GK5: variants seen among roughly 807,000 people sequenced by gnomAD.
GK5 encodes ATP:glycerol 3-phosphotransferase 5.
In GK5, 39 loss-of-function variants were observed where a neutral mutation model predicts 77.3. The ratio of observed to expected loss-of-function variants is 0.50; its 90% CI spans 0.39 to 0.66. The LOEUF is 0.66. GK5 is among the 30% of genes least tolerant of loss of function. The pLI, the probability that GK5 is intolerant of heterozygous loss-of-function variation, is 0.00. For synonymous variants in GK5, 211 were observed against 208.0 expected, an observed-to-expected ratio of 1.01 and a Z score of -0.13; for missense variants, 487 against 633.8, an observed-to-expected ratio of 0.77 and a Z score of 2.49.
At chr3:142,199,424 T>C (rs1245658124) in intron 4 of GK5, among the ~76,000 whole-genome samples, 1 of 152,166 alleles carries the variant, frequency 6.6e-6, no homozygotes, top group Non-Finnish European at 1.5e-5. Context: ...TAATCTTTGA[T>C]TTTGAAGGCT....
chr3:142,186,851 G>A (rs1262685988), intron 6 of GK5, among the ~76,000 whole-genome samples: 2 of 151,660 alleles, frequency 1.3e-5, no homozygotes, highest in Non-Finnish European at 2.9e-5. Flanking sequence ...GGCTGGTCTC[G>A]AACTCCCAAC....
At chr3:142,214,715 AAG>A (rs2064247362) in intron 2 of GK5, among the ~76,000 whole-genome samples, 1 of 152,222 alleles carries the variant, frequency 6.6e-6, no homozygotes, top group African/African-American at 2.4e-5. Flanking sequence ...AGATTGAAAA[AAG>A]AAGTTTTTTT....
At chr3:142,185,664 A>G (rs762723712) in intron 9 of GK5, 4 of 1,266,630 alleles carry the variant, frequency 3.2e-6, no homozygotes, top group Non-Finnish European at 4.0e-6. Flanking sequence ...TTTTTAATTT[A>G]AGTTTTCTGA....
chr3:142,160,295 C>A lies in GK5; in HGVS notation c.*5327G>T, dbSNP rs2063416512. On this transcript the variant is annotated 3_prime_UTR_variant, in exon 16 of 16. Transcript: ENST00000392993. ...GTGAACCACCACGCTTATCCTGGGGCTTTTAATTCTTACTGAAAATCATAG... is the reference window on the plus strand; with the variant it reads ...GTGAACCACCACGCTTATCCTGGGGATTTTAATTCTTACTGAAAATCATAG... 1 of 152,166 alleles carries A rather than the reference C, an allele frequency of 6.6e-6. No homozygotes were observed. The allele number at this position is 152,166 out of a possible 1,614,324, so 9.4% of individuals were successfully genotyped here. A position where few individuals can be genotyped will look rare whatever the true frequency, so the allele number is the denominator to read the frequency against.
rs932027371 is a variant in GK5 at position 142,198,741 on chromosome 3, T to C, written c.543+61A>G. On this transcript the variant is annotated intron_variant, in intron 5 of 15. Coordinates refer to ENST00000392993, the MANE Select transcript of GK5 (RefSeq NM_001039547.3). Reference sequence around the variant, plus strand: ...TATTCCTTTAATTTTTTCTTCCCCATAGTCTTTATATGGTTTCCACATACA... The same window carrying C: ...TATTCCTTTAATTTTTTCTTCCCCACAGTCTTTATATGGTTTCCACATACA... The C allele has an allele frequency of 2.3e-5, 32 of 1,390,908 alleles. No homozygotes were observed. The South Asian group carries it at 4.9e-4, about 21-fold the overall frequency. 86.2% of individuals were successfully genotyped at this position (1,390,908 alleles called of 1,614,324 possible). A position where few individuals can be genotyped will look rare whatever the true frequency, so the allele number is the denominator to read the frequency against.
intron 15 of GK5, among the ~76,000 whole-genome samples, chr3:142,166,658 C>A (rs568331061): frequency 6.6e-6 from 1 of 152,040 alleles, no homozygotes; most frequent in Non-Finnish European, 1.5e-5. Context: ...CTGGGCCTCT[C>A]GAGTAGCTCG....
chr3:142,193,257 T>C (rs1244697037), intron 5 of GK5, among the ~76,000 whole-genome samples: 1 of 152,184 alleles, frequency 6.6e-6, no homozygotes, highest in East Asian at 1.9e-4. Context: ...AATTAAAGTG[T>C]ATTAATTTTT....
chr3:142,196,092 T>C (rs1380612555), intron 5 of GK5, among the ~76,000 whole-genome samples: 1 of 152,184 alleles, frequency 6.6e-6, no homozygotes, highest in African/African-American at 2.4e-5. Context: ...TCATTTTATC[T>C]TGTTATCTAA....
chr3:142,167,420 G>A (rs2063486408), intron 15 of GK5, among the ~76,000 whole-genome samples: 1 of 151,820 alleles, frequency 6.6e-6, no homozygotes, highest in African/African-American at 2.4e-5. Flanking sequence ...TATTAATGTA[G>A]ACAAGTTTTT....
chr3:142,171,446 T>C lies in GK5; in HGVS notation c.1280A>G (p.Glu427Gly). Residue 427 changes from glutamate (E) to glycine (G), a missense_variant, in exon 14 of 16, where the codon GAG becomes GGG. By Grantham distance (98) the Glu-to-Gly change is moderately conservative. This residue lies in a region of GK5 where 323 missense variants were observed against 437.4 expected (regional missense o/e 0.74). Coordinates refer to ENST00000392993, the MANE Select transcript of GK5 (RefSeq NM_001039547.3). ...NKQLYEMMKK[E>G]IHIPVRKIRA... The stretch of plus-strand genomic sequence containing the variant: ...GATTTTTCTTACAGGAATATGAATC[T>C]CTTTCTTCATCATCTCATATAACTG... The C allele has an allele frequency of 6.8e-7, 1 of 1,470,724 alleles. No homozygotes were observed. Among genetic ancestry groups the C allele is most frequent in the South Asian group, 1.3e-5 (1 of 79,174 alleles). 91.1% of individuals were successfully genotyped at this position (1,470,724 alleles called of 1,614,324 possible).
In GK5 at chr3:142,157,748, C is replaced by A. The variant is rs2063393503; in HGVS notation, c.*7874G>T. On this transcript the variant is annotated 3_prime_UTR_variant, in exon 16 of 16. Coordinates refer to ENST00000392993, the MANE Select transcript of GK5 (RefSeq NM_001039547.3). Reference sequence around the variant, plus strand: ...TTCACAACAAATTTTATTTTCCCCACAACAAAGAATTATCCCACTTCTCTA... The same window carrying A: ...TTCACAACAAATTTTATTTTCCCCAAAACAAAGAATTATCCCACTTCTCTA... 1 of 152,062 alleles carries A rather than the reference C, an allele frequency of 6.6e-6. No homozygotes were observed. The highest frequency in any genetic ancestry group is 6.5e-5 in the Admixed American group (1 of 15,272). 9.4% of individuals were successfully genotyped at this position (152,062 alleles called of 1,614,324 possible).
At chr3:142,221,016 T>C (rs2064339211) in intron 1 of GK5, among the ~76,000 whole-genome samples, 1 of 152,122 alleles carries the variant, frequency 6.6e-6, no homozygotes, top group African/African-American at 2.4e-5. Flanking sequence ...CAGATATACC[T>C]AAGTGCCAGG....
intron 2 of GK5, among the ~76,000 whole-genome samples, chr3:142,214,947 T>A (rs2064251250): frequency 6.6e-6 from 1 of 152,230 alleles, no homozygotes; most frequent in Admixed American, 6.5e-5. Flanking sequence ...GAGTTTATTG[T>A]ACTATTCTTG....
chr3:142,189,765 A>AC (rs1577124906), intron 5 of GK5, among the ~76,000 whole-genome samples: 2 of 152,320 alleles, frequency 1.3e-5, no homozygotes, highest in East Asian at 3.9e-4. Context: ...CATAGGAACT[A>AC]CAAGTCAGAT....
intron 3 of GK5, among the ~76,000 whole-genome samples, chr3:142,211,990 T>C (rs1313924938): frequency 6.6e-6 from 1 of 152,236 alleles, no homozygotes; most frequent in Non-Finnish European, 1.5e-5. Flanking sequence ...ATTTCTATCA[T>C]ACAGCCCAAA....
Position 142,164,893 on chromosome 3 carries a change from A to C in GK5, c.*729T>G, listed in dbSNP as rs1187622119. On this transcript the variant is annotated 3_prime_UTR_variant, in exon 16 of 16. Coordinates refer to ENST00000392993, the MANE Select transcript of GK5 (RefSeq NM_001039547.3). Reference sequence around the variant, plus strand: ...ACGTTATTTGAGAAGGAAAATAAGTAGTATTTTTCTGTTTCTTAAAAATCA... The same window carrying C: ...ACGTTATTTGAGAAGGAAAATAAGTCGTATTTTTCTGTTTCTTAAAAATCA... The C allele has an allele frequency of 6.6e-6, 1 of 152,436 alleles. No individual in the cohort carries two copies. Among genetic ancestry groups the C allele is most frequent in the Non-Finnish European group, 1.5e-5 (1 of 68,038 alleles). 9.4% of individuals were successfully genotyped at this position (152,436 alleles called of 1,614,324 possible).
intron 12 of GK5, 53 bp downstream of exon 12, chr3:142,177,429 T>C (rs1273114455): frequency 2.0e-6 from 2 of 976,348 alleles, no homozygotes; most frequent in Non-Finnish European, 3.2e-6. Flanking sequence ...AGTTTGGATG[T>C]GGCAGGAGGA....
chr3:142,209,575 A>G (rs979885539), intron 3 of GK5, among the ~76,000 whole-genome samples: 2 of 152,232 alleles, frequency 1.3e-5, no homozygotes, highest in African/African-American at 4.8e-5. Context: ...TTGTAAATTA[A>G]TTGTCTTAAA....
chr3:142,186,162 T>C (rs758768103), intron 8 of GK5, 32 bp downstream of exon 8: 1 of 1,341,402 alleles, frequency 7.5e-7, no homozygotes, highest in South Asian at 1.2e-5. Context: ...AGAACCATTG[T>C]GCTGGTTACT....
Sources: allele counts gnomAD v4.1 joint callset (sites outside exome capture counted in the v4.1 genomes callset), GRCh38; gene constraint gnomAD v4.1.1; regional missense constraint gnomAD v4.1.1; transcripts MANE v1.5; gene names NCBI Gene and HGNC (gene_info 2026-07-23, HGNC 2026-07-21).